Variants in NDFIP2 observed in about 807,000 individuals in gnomAD.
NDFIP2 encodes the protein NEDD4 family-interacting protein 2.
In NDFIP2, 19 loss-of-function variants were observed where a neutral mutation model predicts 36.0. The observed-to-expected ratio is 0.53, with a 90% confidence interval of 0.37 to 0.77. The LOEUF (loss-of-function observed/expected upper bound fraction) is 0.77. NDFIP2 is among the 30% of genes least tolerant of loss of function. The probability of loss-of-function intolerance (pLI) is 0.00; values close to 1 mark genes in which losing one functional copy is unlikely to be tolerated. For synonymous variants in NDFIP2, 181 were observed against 167.7 expected, an observed-to-expected ratio of 1.08 and a Z score of -0.61; for missense variants, 446 against 435.8, an observed-to-expected ratio of 1.02 and a Z score of -0.21.
chr13:79,496,570 A>C (rs1277108086), intron 1 of NDFIP2, among the ~76,000 whole-genome samples: 1 of 151,892 alleles, frequency 6.6e-6, no homozygotes, highest in Non-Finnish European at 1.5e-5. Flanking sequence ...TTGAATTTGT[A>C]AATTGACTTC....
intron 1 of NDFIP2, among the ~76,000 whole-genome samples, chr13:79,495,436 A>G (rs1594841269): frequency 6.6e-6 from 1 of 151,932 alleles, no homozygotes; most frequent in East Asian, 1.9e-4. Context: ...TCTATTTTAC[A>G]TGATATTAAT....
intron 1 of NDFIP2, among the ~76,000 whole-genome samples, chr13:79,509,708 A>G (rs996472253): frequency 2.0e-5 from 2 of 100,936 alleles, no homozygotes; most frequent in Non-Finnish European, 4.1e-5. Context: ...GAGAGAGAGA[A>G]GTTTATTAAC....
intron 1 of NDFIP2, among the ~76,000 whole-genome samples, chr13:79,500,600 TTAAAAC>T (rs761120960): frequency 1.3e-5 from 2 of 151,826 alleles, no homozygotes; most frequent in African/African-American, 2.4e-5. Flanking sequence ...GAAATGATGG[TTAAAAC>T]AACTAGTTAC....
chr13:79,505,954 T>C (rs1006452726), intron 1 of NDFIP2, among the ~76,000 whole-genome samples: 3 of 152,202 alleles, frequency 2.0e-5, no homozygotes, highest in Non-Finnish European at 4.4e-5. Flanking sequence ...TACTTGACTT[T>C]CTTGTAAAGA....
At chr13:79,505,922 CA>C (rs1323183412) in intron 1 of NDFIP2, among the ~76,000 whole-genome samples, 2 of 152,046 alleles carry the variant, frequency 1.3e-5, no homozygotes, top group Non-Finnish European at 2.9e-5. Flanking sequence ...TGATGGCAAC[CA>C]ACATCATATC....
At chr13:79,502,299 G>A (rs1363604597) in intron 1 of NDFIP2, among the ~76,000 whole-genome samples, 1 of 152,074 alleles carries the variant, frequency 6.6e-6, no homozygotes, top group Admixed American at 6.6e-5. Context: ...AAATAAGACA[G>A]TACATCATGC....
rs1392936587 is a variant in NDFIP2 at position 79,554,437 on chromosome 13, AT to A, written c.*1927del. The A allele has an allele frequency of 2.6e-5, 4 of 151,770 alleles. No individual in the cohort carries two copies. Among genetic ancestry groups the A allele is most frequent in the Non-Finnish European group, 5.9e-5 (4 of 67,746 alleles). The allele number at this position is 151,770 out of a possible 1,614,324, so 9.4% of individuals were successfully genotyped here. On this transcript the variant is annotated 3_prime_UTR_variant, in exon 8 of 8. Coordinates refer to ENST00000218652, the MANE Select transcript of NDFIP2 (RefSeq NM_019080.3). ...AGCTATCAAACATCGACTTACTAAAATTTCATTTTAGCTTTTATGGTATATG... is the reference window on the plus strand; with the variant it reads ...AGCTATCAAACATCGACTTACTAAAATTCATTTTAGCTTTTATGGTATATG...
intron 2 of NDFIP2, among the ~76,000 whole-genome samples, chr13:79,527,963 A>G (rs1022656230): frequency 6.6e-6 from 1 of 152,140 alleles, no homozygotes; most frequent in Non-Finnish European, 1.5e-5. Context: ...TTTGTGTTGC[A>G]GTTTTTAATA....
intron 3 of NDFIP2, among the ~76,000 whole-genome samples, chr13:79,536,302 T>G (rs1213431511): frequency 2.0e-5 from 3 of 152,192 alleles, no homozygotes; most frequent in African/African-American, 7.2e-5. Flanking sequence ...GTCTTTTGAC[T>G]AGATAAATCA....
intron 5 of NDFIP2, 61 bp from the exon 6 acceptor site, chr13:79,548,267 A>G: frequency 3.3e-6 from 4 of 1,195,210 alleles, no homozygotes; most frequent in Non-Finnish European, 4.9e-6. Context: ...ACTGAAGATA[A>G]TTTATGATTT....
rs371287967 is a variant in NDFIP2, at chr13:79,520,969, A to C, written c.481A>C (p.Thr161Pro). Residue 161 changes from threonine to proline, a missense_variant, in exon 2 of 8, where the codon ACT (threonine) becomes CCT (proline). Physicochemically the swap from Thr to Pro is conservative, Grantham distance 38. Transcript: ENST00000218652. ...YSSITVEVPT[T>P]SDTEVYGEFY... ...TAGTATTACTGTGGAAGTACCTACA[A>C]CTTCAGGTATGAAACATCTAGTAAT... The C allele has an allele frequency of 6.3e-7, 1 of 1,590,770 alleles. No homozygotes were observed. The highest frequency in any genetic ancestry group is 8.6e-7 in the Non-Finnish European group (1 of 1,168,288).
chr13:79,481,549 C>G (rs1379282045), intron 1 of NDFIP2, 25 bp downstream of exon 1: 1 of 1,528,364 alleles, frequency 6.5e-7, no homozygotes, highest in African/African-American at 1.4e-5. Context: ...TCCTGTGCCT[C>G]CCGGGACTGC....
intron 1 of NDFIP2, among the ~76,000 whole-genome samples, chr13:79,505,300 C>A (rs2140748685): frequency 6.6e-6 from 1 of 152,232 alleles, no homozygotes; most frequent in South Asian, 2.1e-4. Flanking sequence ...ATGTTGCTCA[C>A]AATGTGGGTG....
At chr13:79,499,638 C>T (rs543754721) in intron 1 of NDFIP2, among the ~76,000 whole-genome samples, 3 of 151,692 alleles carry the variant, frequency 2.0e-5, no homozygotes, top group Admixed American at 1.3e-4. Context: ...AGCATCCCCC[C>T]AAAAGAAATA....
chr13:79,493,719 G>A (rs1209943081), intron 1 of NDFIP2, among the ~76,000 whole-genome samples: 1 of 152,082 alleles, frequency 6.6e-6, no homozygotes, highest in Non-Finnish European at 1.5e-5. Flanking sequence ...TGATAGCTAA[G>A]TTTCTTTTAT....
intron 1 of NDFIP2, among the ~76,000 whole-genome samples, chr13:79,519,368 C>A (rs973327105): frequency 6.6e-6 from 1 of 152,142 alleles, no homozygotes; most frequent in Non-Finnish European, 1.5e-5. Flanking sequence ...ATTTAAGGAT[C>A]AAAGTACTTC....
chr13:79,521,125 A>AT (rs1874564885), intron 2 of NDFIP2, 150 bp downstream of exon 2: 1 of 634,046 alleles, frequency 1.6e-6, no homozygotes, highest in Non-Finnish European at 2.6e-6. Context: ...ACATATAAAT[A>AT]TACAGATGTA....
At chr13:79,488,662 T>A (rs1219718693) in intron 1 of NDFIP2, among the ~76,000 whole-genome samples, 1 of 152,220 alleles carries the variant, frequency 6.6e-6, no homozygotes. Flanking sequence ...CTCATTCATC[T>A]GATATATAAT....
intron 1 of NDFIP2, among the ~76,000 whole-genome samples, chr13:79,500,097 G>A (rs1035033825): frequency 2.0e-5 from 3 of 149,378 alleles, no homozygotes; most frequent in African/African-American, 7.4e-5. Flanking sequence ...TAACAAAGGA[G>A]TAAAGGCAAC....
Sources: allele counts gnomAD v4.1 joint callset (sites outside exome capture counted in the v4.1 genomes callset), GRCh38; gene constraint gnomAD v4.1.1; transcripts MANE v1.5; gene names NCBI Gene and HGNC (gene_info 2026-07-23, HGNC 2026-07-21).